The following CHD9NB variants were observed in gnomAD, a reference collection of about 807,000 sequenced individuals.
CHD9NB encodes the protein CHD9 neighbor.
chr16:53,037,367 C>T, the CHD9NB span, among the ~76,000 whole-genome samples: 1 of 152,160 alleles, frequency 6.6e-6, no homozygotes, highest in African/African-American at 2.4e-5. Flanking sequence ...CAGTTTGAGG[C>T]CCACAAATTT....
the CHD9NB span, among the ~76,000 whole-genome samples, chr16:53,047,434 A>G: frequency 6.6e-6 from 1 of 152,188 alleles, no homozygotes; most frequent in Non-Finnish European, 1.5e-5. Context: ...GGAGGCTAGA[A>G]GTTCATGAGC....
the CHD9NB span, among the ~76,000 whole-genome samples, chr16:53,038,027 A>T: frequency 2.0e-5 from 3 of 152,200 alleles, no homozygotes; most frequent in African/African-American, 7.2e-5. Context: ...GGTGTAATTC[A>T]GTCTGAGGCG....
chr16:53,045,744 A>G, the CHD9NB span, among the ~76,000 whole-genome samples: 1 of 152,150 alleles, frequency 6.6e-6, no homozygotes, highest in South Asian at 2.1e-4. Flanking sequence ...TCCCAATCAC[A>G]CAGTCCTACA....
At chr16:53,049,164 G>T in the CHD9NB span, among the ~76,000 whole-genome samples, 1 of 151,856 alleles carries the variant, frequency 6.6e-6, no homozygotes, top group African/African-American at 2.4e-5. Flanking sequence ...CGGCCAGTTT[G>T]TTTTTTGAAA....
At chr16:53,043,859 C>T in the CHD9NB span, 1 of 397,076 alleles carries the variant, frequency 2.5e-6, no homozygotes. Context: ...CTAAAAACTT[C>T]TGAAGCCTGA....
chr16:53,049,565 C>A, the CHD9NB span, among the ~76,000 whole-genome samples: 7 of 152,190 alleles, frequency 4.6e-5, no homozygotes, highest in Admixed American at 3.9e-4. Flanking sequence ...TCAATAAGTC[C>A]TTTAATATGG....
At chr16:53,049,312 C>T in the CHD9NB span, among the ~76,000 whole-genome samples, 1 of 143,994 alleles carries the variant, frequency 6.9e-6, no homozygotes, top group South Asian at 2.3e-4. Flanking sequence ...TGTGCCACCA[C>T]CCCCAGCTGT....
chr16:53,045,875 G>A, the CHD9NB span, among the ~76,000 whole-genome samples: 1 of 152,228 alleles, frequency 6.6e-6, no homozygotes, highest in South Asian at 2.1e-4. Flanking sequence ...AGGTCCCACT[G>A]GCTCCAGAGC....
chr16:53,044,324 G>C, the CHD9NB span: 1 of 395,614 alleles, frequency 2.5e-6, no homozygotes. Flanking sequence ...TGTGCATAAG[G>C]AGCCCCCTGT....
the CHD9NB span, among the ~76,000 whole-genome samples, chr16:53,048,324 G>C: frequency 3.9e-5 from 6 of 152,098 alleles, no homozygotes; most frequent in African/African-American, 1.4e-4. Flanking sequence ...GAGGTCACTG[G>C]AATCTGGGAG....
the CHD9NB span, chr16:53,052,876 A>G: frequency 8.3e-5 from 14 of 168,026 alleles, no homozygotes; most frequent in Non-Finnish European, 1.5e-4. Context: ...CCTTCCAGGT[A>G]TTGTCCACAG....
chr16:53,039,650 C>A, the CHD9NB span, among the ~76,000 whole-genome samples: 1 of 151,760 alleles, frequency 6.6e-6, no homozygotes, highest in Admixed American at 6.6e-5. Context: ...GAGGCTGAGG[C>A]AGAAGAATCG....
At chr16:53,051,032 C>T in the CHD9NB span, among the ~76,000 whole-genome samples, 3 of 152,166 alleles carry the variant, frequency 2.0e-5, no homozygotes, top group South Asian at 2.1e-4. Flanking sequence ...GGACTACAGG[C>T]GCCCACCACC....
At chr16:53,037,665 A>G in the CHD9NB span, among the ~76,000 whole-genome samples, 1 of 152,182 alleles carries the variant, frequency 6.6e-6, no homozygotes, top group African/African-American at 2.4e-5. Context: ...CAGATAAGGG[A>G]AGTTCAGATA....
chr16:53,049,084 C>G, the CHD9NB span, among the ~76,000 whole-genome samples: 1 of 152,140 alleles, frequency 6.6e-6, no homozygotes, highest in Non-Finnish European at 1.5e-5. Context: ...CTCTCGAACT[C>G]CTGGGCTCAA....
At chr16:53,039,288 G>A in the CHD9NB span, among the ~76,000 whole-genome samples, 3 of 152,098 alleles carry the variant, frequency 2.0e-5, no homozygotes, top group African/African-American at 7.2e-5. Flanking sequence ...CAAACAAGTT[G>A]ATCAGGACGA....
chr16:53,045,200 C>A, the CHD9NB span, among the ~76,000 whole-genome samples: 1 of 152,090 alleles, frequency 6.6e-6, no homozygotes, highest in Admixed American at 6.6e-5. Flanking sequence ...TGGGTTCAAG[C>A]GATCTGCCTG....
At chr16:53,046,102 T>C in the CHD9NB span, among the ~76,000 whole-genome samples, 1 of 152,162 alleles carries the variant, frequency 6.6e-6, no homozygotes, top group Admixed American at 6.5e-5. Flanking sequence ...AATGCCAAAG[T>C]ATACTTTGGG....
chr16:53,051,520 C>CA, the CHD9NB span, among the ~76,000 whole-genome samples: 1 of 139,638 alleles, frequency 7.2e-6, no homozygotes, highest in Non-Finnish European at 1.5e-5. Context: ...ATCGCAAGGA[C>CA]AAAAAACCAA....
Sources: gnomAD v4.1 joint callset for allele counts (sites outside exome capture counted in the v4.1 genomes callset) on GRCh38, gnomAD v4.1.1 for gene constraint, MANE v1.5 for transcripts, NCBI Gene and HGNC (gene_info 2026-07-23, HGNC 2026-07-21) for gene names.